KRT78: variants seen among roughly 807,000 people sequenced by gnomAD.
KRT78 encodes keratin, type II cytoskeletal 78.
KRT78 carries 55 observed loss-of-function variants against 51.4 expected under a neutral mutation model. The ratio of observed to expected loss-of-function variants is 1.07; its 90% CI spans 0.86 to 1.34. KRT78 has a LOEUF of 1.34. Among genes scored for constraint, KRT78 ranks in the 40% most tolerant of loss-of-function variants. KRT78 has a pLI of 0.00. For synonymous variants in KRT78, 291 were observed against 264.3 expected (o/e 1.10, Z -0.98); for missense variants, 652 against 649.4 (o/e 1.00, Z -0.04).
chr12:52,847,556 G>A (rs370906675), intron 2 of KRT78, among the ~76,000 whole-genome samples: 6 of 152,290 alleles, frequency 3.9e-5, no homozygotes, highest in South Asian at 2.1e-4. Flanking sequence ...CCCACAGCCC[G>A]CTGAACAGGA....
Position 52,838,399 on chromosome 12 carries a change from G to C in KRT78, c.*714C>G, listed in dbSNP as rs1043390545. 4.6e-5 allele frequency: 7 copies of C among 152,460 alleles called. No individual in the cohort carries two copies. The highest frequency in any genetic ancestry group is 2.6e-4 in the Admixed American group (4 of 15,294). The allele number at this position is 152,460 out of a possible 1,614,324, so 9.4% of individuals were successfully genotyped here. A position where few individuals can be genotyped will look rare whatever the true frequency, so the allele number is the denominator to read the frequency against. Reference sequence around the variant, plus strand: ...GGATAAGATGAGAGCCAACAGATAAGGGGGTAGGGGCAGAGTTTGAACCCC... The same window carrying C: ...GGATAAGATGAGAGCCAACAGATAACGGGGTAGGGGCAGAGTTTGAACCCC... On this transcript the variant is annotated 3_prime_UTR_variant, in exon 9 of 9. Coordinates refer to ENST00000304620, the MANE Select transcript of KRT78 (RefSeq NM_173352.4).
intron 5 of KRT78, among the ~76,000 whole-genome samples, 154 bp downstream of exon 5, chr12:52,844,405 T>G (rs1352258268): frequency 1.3e-5 from 2 of 152,158 alleles, no homozygotes; most frequent in South Asian, 2.1e-4. Flanking sequence ...ATCGCCTCCC[T>G]CCTGGAGGGG....
chr12:52,838,226 C>T lies in KRT78; in HGVS notation c.*887G>A, dbSNP rs987616153. The T allele has an allele frequency of 1.3e-5, 2 of 152,238 alleles. No homozygotes were observed. Among genetic ancestry groups the T allele is most frequent in the African/African-American group, 4.8e-5 (2 of 41,418 alleles). 9.4% of individuals were successfully genotyped at this position (152,238 alleles called of 1,614,324 possible). ...TGGGGAAAGAGCAACTGCAGGCACC[C>T]ATGAGGCTGCTGGGGGTGTGTAGAA... On this transcript the variant is annotated 3_prime_UTR_variant, in exon 9 of 9. Transcript: ENST00000304620.
Position 52,846,271 on chromosome 12 carries a change from T to C in KRT78, c.682A>G (p.Ser228Gly). ...AGCTTGCCCTCCAACTCCATCTTGC[T>C]CAGGAAAACCCCATCCACATCCTGG... is the stretch of plus-strand genomic sequence containing the variant. ...LKKDVDGVFL[S>G]KMELEGKLEA... Residue 228 changes from serine to glycine, a missense_variant, in exon 4 of 9, where the codon AGC becomes GGC. Coordinates refer to ENST00000304620, the MANE Select transcript of KRT78 (RefSeq NM_173352.4). 1.2e-6 allele frequency: 2 copies of C among 1,613,368 alleles called. No homozygotes were observed. Among genetic ancestry groups the C allele is most frequent in the Non-Finnish European group, 1.7e-6 (2 of 1,179,380 alleles).
Position 52,838,938 on chromosome 12 carries a change from T to C in KRT78, c.*175A>G, listed in dbSNP as rs1940407153. The C allele has an allele frequency of 4.1e-6, 3 of 723,080 alleles. No homozygotes were observed. Among genetic ancestry groups the C allele is most frequent in the African/African-American group, 3.5e-5 (2 of 56,650 alleles). The allele number at this position is 723,080 out of a possible 1,614,324, so 44.8% of individuals were successfully genotyped here. On this transcript the variant is annotated 3_prime_UTR_variant, in exon 9 of 9. Coordinates refer to ENST00000304620, the MANE Select transcript of KRT78 (RefSeq NM_173352.4). ...ACAGCTTTTGTTTTGCTGGGTGAGG[T>C]GTGCAAGCACTTAGAGCATTCAGAA...
intron 6 of KRT78, among the ~76,000 whole-genome samples, chr12:52,841,156 A>G (rs1940487757): frequency 6.6e-6 from 1 of 152,190 alleles, no homozygotes; most frequent in African/African-American, 2.4e-5. Flanking sequence ...TTGTCAGAGT[A>G]CATCAAAACA....
At position 52,848,868 on chromosome 12, in the gene KRT78, G is replaced by C. The variant is rs1042884614; in HGVS notation, c.63C>G (p.Arg21=). ...AGCCTCCCCTGCTGCGGCCCCTTGA[G>C]CGAGCAGAACAGGCTGAGCGAGCGC... ...GFSARSACSA[R]SRGRSRGGFS... is the part of the protein sequence containing the mutation. The change falls in exon 1 of 9, where the codon CGC becomes CGG. Residue 21 remains arginine, a synonymous_variant. Transcript: ENST00000304620. The C allele has an allele frequency of 1.9e-6, 3 of 1,611,374 alleles. No homozygotes were observed. Among genetic ancestry groups the C allele is most frequent in the Non-Finnish European group, 2.5e-6 (3 of 1,178,874 alleles).
At chr12:52,843,696 A>AAAAAAAG (rs1565699339) in intron 6 of KRT78, among the ~76,000 whole-genome samples, 1 of 151,160 alleles carries the variant, frequency 6.6e-6, no homozygotes, top group African/African-American at 2.4e-5. Flanking sequence ...CTCAAAAAAA[A>AAAAAAAG]AAAAAAAAAG....
chr12:52,842,373 C>T (rs1940518362), intron 6 of KRT78, among the ~76,000 whole-genome samples: 1 of 152,162 alleles, frequency 6.6e-6, no homozygotes, highest in Non-Finnish European at 1.5e-5. Flanking sequence ...TAACACTTCA[C>T]ATCTAGAAGT....
intron 6 of KRT78, among the ~76,000 whole-genome samples, chr12:52,840,440 C>T (rs1285102637): frequency 4.6e-5 from 7 of 151,882 alleles, no homozygotes; most frequent in East Asian, 3.9e-4. Context: ...TGGTGGCTCA[C>T]GCCTGTAATC....
intron 4 of KRT78, among the ~76,000 whole-genome samples, chr12:52,845,704 C>T (rs1447231990): frequency 1.3e-5 from 2 of 152,132 alleles, no homozygotes; most frequent in Non-Finnish European, 2.9e-5. Context: ...GCCTGTAATC[C>T]CAGCACTTTG....
chr12:52,839,603 C>T, intron 7 of KRT78, 116 bp from the exon 8 acceptor site: 1 of 1,309,676 alleles, frequency 7.6e-7, no homozygotes, highest in Non-Finnish European at 1.0e-6. Context: ...ATAAAATCCA[C>T]AGTCTCCAAC....
At chr12:52,844,280 C>G (rs1940588430) in intron 5 of KRT78, 62 bp from the exon 6 acceptor site, 1 of 1,527,036 alleles carries the variant, frequency 6.5e-7, no homozygotes, top group East Asian at 2.3e-5. Flanking sequence ...ACCATCTCCT[C>G]ATGTTTGAAA....
chr12:52,844,523 A>G, intron 5 of KRT78, 36 bp downstream of exon 5: 1 of 1,592,514 alleles, frequency 6.3e-7, no homozygotes, highest in Non-Finnish European at 8.6e-7. Context: ...AGACCTAGCC[A>G]TTTCCAGCAT....
Position 52,844,186 on chromosome 12 carries a change from A to C in KRT78, c.954T>G (p.His318Gln), listed in dbSNP as rs192154939. ...YQELQVSAQLHGDRMQETKVQ... is the reference protein window; with the variant it reads ...YQELQVSAQLQGDRMQETKVQ... ...CTTTCGTTTCCTGCATCCTGTCCCC[A>C]TGAAGCTGGGCAGACACCTGAAGTT... The change falls in exon 6 of 9, where the codon CAT becomes CAG. Residue 318 changes from histidine (H) to glutamine (Q), a missense_variant. His to Gln is a conservative substitution (Grantham distance 24). Coordinates refer to ENST00000304620, the MANE Select transcript of KRT78 (RefSeq NM_173352.4). The C allele has an allele frequency of 6.2e-7, 1 of 1,609,570 alleles. No individual in the cohort carries two copies. The highest frequency in any genetic ancestry group is 2.2e-5 in the East Asian group (1 of 44,784).
intron 1 of KRT78, 91 bp from the exon 2 acceptor site, chr12:52,848,212 C>T (rs1315098423): frequency 4.5e-6 from 7 of 1,552,720 alleles, no homozygotes; most frequent in South Asian, 1.2e-5. Flanking sequence ...CTCCCATCAG[C>T]CTCACCTTTC....
Position 52,846,259 on chromosome 12 carries a change from A to G in KRT78, c.694T>C (p.Leu232=). 3 of 1,613,504 alleles carry G rather than the reference A, an allele frequency of 1.9e-6. No homozygotes were observed. The highest frequency in any genetic ancestry group is 2.5e-6 in the Non-Finnish European group (3 of 1,179,760). ...VDGVFLSKME[L]EGKLEALREY... is the part of the protein sequence containing the mutation. Reference sequence around the variant, plus strand: ...CTCAGAGCCTCCAGCTTGCCCTCCAACTCCATCTTGCTCAGGAAAACCCCA... The same window carrying G: ...CTCAGAGCCTCCAGCTTGCCCTCCAGCTCCATCTTGCTCAGGAAAACCCCA... The change falls in exon 4 of 9, where the codon TTG becomes CTG. Residue 232 remains leucine, a synonymous_variant. Coordinates refer to ENST00000304620, the MANE Select transcript of KRT78 (RefSeq NM_173352.4).
At chr12:52,843,314 C>T (rs1940558323) in intron 6 of KRT78, among the ~76,000 whole-genome samples, 1 of 148,106 alleles carries the variant, frequency 6.8e-6, no homozygotes, top group African/African-American at 2.5e-5. Context: ...TGTAGTGAGC[C>T]AAGATCACGC....
chr12:52,839,083 T>C lies in KRT78; in HGVS notation c.*30A>G. The stretch of plus-strand genomic sequence containing the variant: ...GCTGATGGGGGGAGTGGGCCAAATG[T>C]GTTCAGGAAGGAGGTGGCTGCTGGG... On this transcript the variant is annotated 3_prime_UTR_variant, in exon 9 of 9. Transcript: ENST00000304620. 4 of 1,600,278 alleles carry C rather than the reference T, an allele frequency of 2.5e-6. No individual in the cohort carries two copies. The highest frequency in any genetic ancestry group is 3.4e-4 in the Middle Eastern group (2 of 5,822).
Sources: gnomAD v4.1 joint callset for allele counts (sites outside exome capture counted in the v4.1 genomes callset) on GRCh38, gnomAD v4.1.1 for gene constraint, MANE v1.5 for transcripts, NCBI Gene and HGNC (gene_info 2026-07-23, HGNC 2026-07-21) for gene names.